The following NDUFAF6 variants were observed in gnomAD, a reference collection of about 807,000 sequenced individuals.
NDUFAF6 encodes NADH dehydrogenase (ubiquinone) complex I, assembly factor 6.
NDUFAF6 carries 45 observed loss-of-function variants against 40.8 expected under a neutral mutation model. The observed-to-expected ratio is 1.10, with a 90% CI of 0.87 to 1.42. The LOEUF is 1.42. Ranked by LOEUF, NDUFAF6 falls within the 40% of genes most tolerant of loss-of-function variation. The pLI, the probability that NDUFAF6 is intolerant of heterozygous loss-of-function variation, is 0.00. For missense variants in NDUFAF6, 435 were observed against 418.5 expected (o/e 1.04, Z -0.34); for synonymous variants, 185 against 155.9 (o/e 1.19, Z -1.39).
At chr8:94,914,103 CTTTTT>C (rs563687562) in intron 1 of NDUFAF6, among the ~76,000 whole-genome samples, 2 of 98,198 alleles carry the variant, frequency 2.0e-5, no homozygotes, top group East Asian at 2.8e-4. Context: ...GACCTTATCT[CTTTTT>C]TTTTTTTTTT....
At chr8:94,905,435 G>T (rs1230519054) in intron 1 of NDUFAF6, among the ~76,000 whole-genome samples, 1 of 151,986 alleles carries the variant, frequency 6.6e-6, no homozygotes, top group Non-Finnish European at 1.5e-5. Context: ...CAGCTCGAGG[G>T]CTCCCTCCTC....
chr8:95,032,571 G>A (rs1215117425), intron 2 of NDUFAF6, among the ~76,000 whole-genome samples: 3 of 152,172 alleles, frequency 2.0e-5, no homozygotes, highest in Non-Finnish European at 4.4e-5. Context: ...TCCAAAGGAA[G>A]GAGAGATCCT....
intron 9 of NDUFAF6, among the ~76,000 whole-genome samples, chr8:95,066,087 C>T (rs1176169818): frequency 6.6e-6 from 1 of 152,082 alleles, no homozygotes; most frequent in East Asian, 1.9e-4. Flanking sequence ...TATCTGTACT[C>T]AATTTCTATA....
At chr8:95,034,720 A>G (rs1028244835) in intron 2 of NDUFAF6, 6 of 152,416 alleles carry the variant, frequency 3.9e-5, no homozygotes, top group African/African-American at 1.4e-4. Flanking sequence ...TCTGACTCCC[A>G]GCAGTAATGT....
At chr8:94,995,463 C>A (rs924552273) in intron 2 of NDUFAF6, among the ~76,000 whole-genome samples, 4 of 151,998 alleles carry the variant, frequency 2.6e-5, no homozygotes, top group African/African-American at 4.8e-5. Flanking sequence ...TTTGTAACCA[C>A]AATTAAAAAT....
At chr8:95,098,069 A>G (rs1474795790), upstream of NDUFAF6, among the ~76,000 whole-genome samples, 1 of 151,500 alleles carries the variant, frequency 6.6e-6, no homozygotes, top group Non-Finnish European at 1.5e-5. Context: ...AGAGCAGCTC[A>G]TGTCTTGGTG....
chr8:95,038,321 G>A lies in NDUFAF6; in HGVS notation c.420+2745G>A, dbSNP rs577559293. On this transcript the variant is annotated intron_variant, in intron 3 of 8. Coordinates refer to ENST00000396124, the MANE Select transcript of NDUFAF6 (RefSeq NM_152416.4). ...TTTTTGTGACAAATTGCATTTGATT[G>A]TAAGTTATATACATCATAATCCTAA... Among the ~76,000 whole-genome samples the A allele has an allele frequency of 3.9e-4, 59 of 151,838 alleles. 1 individual carries two copies. The highest frequency in any genetic ancestry group is 1.2e-3 in the African/African-American group (51 of 41,372).
intron 1 of NDUFAF6, among the ~76,000 whole-genome samples, chr8:94,943,426 G>A (rs941135565): frequency 5.9e-5 from 9 of 152,218 alleles, no homozygotes; most frequent in East Asian, 1.9e-4. Context: ...GTTCAAGGAT[G>A]CAGTAAGCTA....
intron 2 of NDUFAF6, among the ~76,000 whole-genome samples, chr8:94,987,198 A>G (rs888108214): frequency 3.9e-5 from 6 of 152,170 alleles, no homozygotes; most frequent in African/African-American, 1.4e-4. Context: ...ACAGTTTAAA[A>G]TTTTTAAGCC....
chr8:94,979,144 C>T (rs1825205184), intron 1 of NDUFAF6, among the ~76,000 whole-genome samples: 1 of 152,176 alleles, frequency 6.6e-6, no homozygotes, highest in Admixed American at 6.5e-5. Flanking sequence ...TCTGAAGTCA[C>T]TACTTTTCAG....
intron 2 of NDUFAF6, among the ~76,000 whole-genome samples, chr8:94,984,598 TC>T (rs1825688224): frequency 6.6e-6 from 1 of 152,164 alleles, no homozygotes; most frequent in Admixed American, 6.5e-5. Context: ...CACAGGGTGT[TC>T]CCTTATGCTA....
chr8:95,046,150 T>C (rs1258232528), intron 5 of NDUFAF6, among the ~76,000 whole-genome samples: 1 of 152,042 alleles, frequency 6.6e-6, no homozygotes, highest in Admixed American at 6.6e-5. Flanking sequence ...AACCTCTGCC[T>C]CCCGGATTCA....
chr8:94,898,214 G>A (rs1054648712), intron 1 of NDUFAF6, among the ~76,000 whole-genome samples: 11 of 152,062 alleles, frequency 7.2e-5, no homozygotes, highest in African/African-American at 2.4e-4. Context: ...ATGTCGATGT[G>A]TTATTATTAA....
intron 1 of NDUFAF6, among the ~76,000 whole-genome samples, chr8:94,938,265 G>A (rs1307003920): frequency 2.6e-5 from 4 of 152,208 alleles, no homozygotes; most frequent in Non-Finnish European, 5.9e-5. Context: ...TGGATGGAAT[G>A]AATTACTGAC....
At chr8:94,935,111 G>A (rs1563725518) in intron 1 of NDUFAF6, among the ~76,000 whole-genome samples, 2 of 141,234 alleles carry the variant, frequency 1.4e-5, no homozygotes, top group Non-Finnish European at 3.1e-5. Flanking sequence ...AGGTAGGTAG[G>A]TACATAGGTA....
rs941869773 is a variant in NDUFAF6, at chr8:94,932,253, T to C, written c.-935-13230T>C. 1.1e-5 allele frequency: 9 copies of C among 800,224 alleles called. No homozygotes were observed. The South Asian group carries it at 1.4e-4, about 12-fold the overall frequency. The allele number at this position is 800,224 out of a possible 1,614,324, so 49.6% of individuals were successfully genotyped here. A position where few individuals can be genotyped will look rare whatever the true frequency, so the allele number is the denominator to read the frequency against. On this transcript the variant is annotated intron_variant, in intron 1 of 14. Coordinates refer to the NDUFAF6 transcript ENST00000396113. ...ACGTACATGTGCTTAAGATAACATG[T>C]AAAACCTTCAAAAACAATACTTATA...
At chr8:94,952,667 T>C (rs1340480553) in intron 2 of NDUFAF6, among the ~76,000 whole-genome samples, 1 of 152,238 alleles carries the variant, frequency 6.6e-6, no homozygotes, top group African/African-American at 2.4e-5. Flanking sequence ...GGCGTTTAAC[T>C]GGGCTGCCAG....
chr8:94,927,998 T>G (rs571899086), intron 1 of NDUFAF6: 1 of 152,594 alleles, frequency 6.6e-6, no homozygotes, highest in East Asian at 1.9e-4. Flanking sequence ...TGGTTGGCCT[T>G]GTGTCTTACA....
intron 1 of NDUFAF6, among the ~76,000 whole-genome samples, chr8:94,939,208 T>G (rs533797932): frequency 1.3e-5 from 2 of 152,316 alleles, no homozygotes; most frequent in South Asian, 4.1e-4. Flanking sequence ...GAAAATAAAT[T>G]TTAAGACATG....
Sources: allele counts gnomAD v4.1 joint callset (sites outside exome capture counted in the v4.1 genomes callset), GRCh38; gene constraint gnomAD v4.1.1; transcripts MANE v1.5; gene names NCBI Gene and HGNC (gene_info 2026-07-23, HGNC 2026-07-21).